STK40: variants seen among roughly 807,000 people sequenced by gnomAD.
STK40 encodes serine/threonine-protein kinase 40.
Under a neutral mutation model 47.9 loss-of-function variants are expected in STK40, and 13 were observed. The observed-to-expected ratio is 0.27, with a 90% CI of 0.18 to 0.43. STK40 has a LOEUF of 0.43. STK40 is among the 20% of genes least tolerant of loss of function. The pLI is 1.00. For synonymous variants in STK40, 225 were observed against 243.2 expected (o/e 0.93, Z 0.69); for missense variants, 460 against 595.1 (o/e 0.77, Z 2.36).
At chr1:36,355,163 G>A (rs552054328) in intron 5 of STK40, 43 bp downstream of exon 5, 9 of 1,592,570 alleles carry the variant, frequency 5.7e-6, no homozygotes, top group South Asian at 4.4e-5. Flanking sequence ...AAGAAAGGTG[G>A]CTTTCTGTGG....
chr1:36,340,448 A>C lies in STK40; in HGVS notation c.*1307T>G, dbSNP rs751023971. ...AGCAGGGCCAGGCAGGAGGGGCCTC[A>C]GGGCCCATGACTGCCTGGAGGGGAC... On this transcript the variant is annotated 3_prime_UTR_variant, in exon 11 of 11. Transcript: ENST00000373132. 1 of 152,334 alleles carries C rather than the reference A, an allele frequency of 6.6e-6. No individual in the cohort carries two copies. Among genetic ancestry groups the C allele is most frequent in the Non-Finnish European group, 1.5e-5 (1 of 68,048 alleles). 9.4% of individuals were successfully genotyped at this position (152,334 alleles called of 1,614,324 possible).
intron 7 of STK40, among the ~76,000 whole-genome samples, chr1:36,345,991 A>ATATATATATATTTTTTT: frequency 3.8e-5 from 1 of 26,466 alleles, no homozygotes; most frequent in African/African-American, 1.4e-4. Flanking sequence ...ATATATATAT[A>ATATATATATATTTTTTT]TTTTTTTTTT....
At chr1:36,358,884 A>G (rs1159017721) in intron 2 of STK40, 62 bp from the exon 3 acceptor site, 8 of 1,595,718 alleles carry the variant, frequency 5.0e-6, no homozygotes, top group Non-Finnish European at 6.9e-6. Flanking sequence ...ACGCCAGGTC[A>G]CCACGTGGTC....
In STK40 at chr1:36,369,306, C is replaced by T. The variant is rs573685317; in HGVS notation, c.-8-7966G>A. Among the ~76,000 whole-genome samples, 87 of 152,248 alleles carry T rather than the reference C, an allele frequency of 5.7e-4. 1 individual carries two copies. In the South Asian group the frequency reaches 0.017, roughly 30 times the overall value. On this transcript the variant is annotated intron_variant, in intron 1 of 10. Coordinates refer to ENST00000373132, the MANE Select transcript of STK40 (RefSeq NM_001282547.2). ...CAGGCTGATCAGGAAGGATGCACTC[C>T]ATGGGAAGAGCTCACCTCAGCCACC...
chr1:36,347,872 C>T (rs770338192), intron 7 of STK40, among the ~76,000 whole-genome samples: 1 of 152,102 alleles, frequency 6.6e-6, no homozygotes, highest in South Asian at 2.1e-4. Flanking sequence ...AGGCTGGTCT[C>T]GAACTCCTGA....
intron 9 of STK40, among the ~76,000 whole-genome samples, 188 bp downstream of exon 9, chr1:36,343,672 T>C (rs1166691603): frequency 6.6e-6 from 1 of 152,228 alleles, no homozygotes; most frequent in Non-Finnish European, 1.5e-5. Context: ...CCTGGGTAAC[T>C]ATGGCAGCCC....
chr1:36,372,715 GGAGA>G (rs1238754050), intron 1 of STK40: 2 of 152,268 alleles, frequency 1.3e-5, no homozygotes, highest in Non-Finnish European at 2.9e-5. Context: ...GAGCAGGGAG[GGAGA>G]GAGGTCATGC....
intron 1 of STK40, among the ~76,000 whole-genome samples, chr1:36,376,512 G>C (rs949640935): frequency 6.6e-6 from 1 of 152,146 alleles, no homozygotes; most frequent in Admixed American, 6.5e-5. Flanking sequence ...AGTCCCTATA[G>C]AGCCACGTGT....
chr1:36,376,277 G>A (rs902947803), intron 1 of STK40, among the ~76,000 whole-genome samples: 1 of 152,154 alleles, frequency 6.6e-6, no homozygotes, highest in African/African-American at 2.4e-5. Flanking sequence ...CATTGAGGGC[G>A]TGTTCATTAC....
intron 1 of STK40, among the ~76,000 whole-genome samples, chr1:36,364,246 A>G (rs888462657): frequency 2.6e-5 from 4 of 151,634 alleles, no homozygotes; most frequent in Admixed American, 2.0e-4. Context: ...TGCAGAGTCA[A>G]GTGGGGCACA....
intron 6 of STK40, among the ~76,000 whole-genome samples, chr1:36,351,640 C>G (rs547596079): frequency 1.3e-5 from 2 of 152,320 alleles, no homozygotes; most frequent in East Asian, 3.9e-4. Flanking sequence ...GAGGCATTGG[C>G]ATTCTGCACC....
rs758669770 is a variant in STK40, at chr1:36,355,212, C to T, written c.564G>A (p.Leu188=). The part of the protein sequence containing the change: ...FYDVVRVVEA[L]HQKNIVHRDL... Reference sequence around the variant, plus strand: ...CAGCAGGGTGTGGCCTCACCTGGTGCAGGGCCTCCACCACGCGGACCACGT... The same window carrying T: ...CAGCAGGGTGTGGCCTCACCTGGTGTAGGGCCTCCACCACGCGGACCACGT... The change falls in exon 5 of 11, where the codon CTG becomes CTA. Residue 188 remains leucine (L), a synonymous_variant. Transcript: ENST00000373132. The T allele has an allele frequency of 6.2e-7, 1 of 1,613,550 alleles. No individual in the cohort carries two copies. The highest frequency in any genetic ancestry group is 1.1e-5 in the South Asian group (1 of 91,064).
At chr1:36,368,811 G>A (rs1218697254) in intron 1 of STK40, among the ~76,000 whole-genome samples, 1 of 152,214 alleles carries the variant, frequency 6.6e-6, no homozygotes, top group East Asian at 1.9e-4. Context: ...CTGTTTATTA[G>A]ATAATAGTAT....
intron 4 of STK40, among the ~76,000 whole-genome samples, chr1:36,356,414 TTTTC>T (rs1222404534): frequency 1.0e-4 from 14 of 139,870 alleles, no homozygotes; most frequent in African/African-American, 3.8e-4. Flanking sequence ...CATTTCTTCT[TTTTC>T]TTTTTTTTTT....
At chr1:36,349,432 C>T (rs1189694045) in intron 6 of STK40, among the ~76,000 whole-genome samples, 1 of 152,222 alleles carries the variant, frequency 6.6e-6, no homozygotes, top group African/African-American at 2.4e-5. Flanking sequence ...AGTGAAAGGA[C>T]TTGGCCAAGG....
intron 2 of STK40, among the ~76,000 whole-genome samples, chr1:36,359,612 G>T (rs745682440): frequency 2.0e-5 from 3 of 152,222 alleles, no homozygotes; most frequent in Non-Finnish European, 4.4e-5. Context: ...CCCAAGCTTT[G>T]AGAGTGGAAA....
chr1:36,382,405 C>T (rs1647047336), intron 1 of STK40, among the ~76,000 whole-genome samples: 1 of 152,114 alleles, frequency 6.6e-6, no homozygotes, highest in Admixed American at 6.5e-5. Context: ...TCTTGAACTC[C>T]TAGGCTCAAG....
intron 1 of STK40, among the ~76,000 whole-genome samples, chr1:36,382,939 T>C (rs1333866529): frequency 6.6e-6 from 1 of 152,210 alleles, no homozygotes; most frequent in East Asian, 1.9e-4. Flanking sequence ...ATCTGTCTGA[T>C]GGCAGAGCCA....
chr1:36,348,371 C>T (rs1042040345), intron 7 of STK40, among the ~76,000 whole-genome samples: 1 of 152,230 alleles, frequency 6.6e-6, no homozygotes, highest in African/African-American at 2.4e-5. Context: ...GTCACACATA[C>T]CCAGGGAATT....
Sources: allele counts gnomAD v4.1 joint callset (sites outside exome capture counted in the v4.1 genomes callset), GRCh38; gene constraint gnomAD v4.1.1; transcripts MANE v1.5; gene names NCBI Gene and HGNC (gene_info 2026-07-23, HGNC 2026-07-21).